Variants in KAZN observed in about 807,000 individuals in gnomAD.
KAZN encodes kazrin.
In KAZN, 40 loss-of-function variants were observed where a neutral mutation model predicts 87.4. The observed-to-expected ratio is 0.46, with a 90% confidence interval of 0.36 to 0.60. KAZN has a LOEUF of 0.60. Ranked by LOEUF, KAZN falls within the 20% of genes least tolerant of loss-of-function variation. The probability of loss-of-function intolerance (pLI) is 0.00; values close to 1 mark genes in which losing one functional copy is unlikely to be tolerated. For missense variants in KAZN, 898 were observed against 1,073.9 expected (o/e 0.84, Z 2.29); for synonymous variants, 466 against 458.3 (o/e 1.02, Z -0.22).
At chr1:14,134,626 A>C (rs1458884449) in intron 1 of KAZN, among the ~76,000 whole-genome samples, 1 of 152,192 alleles carries the variant, frequency 6.6e-6, no homozygotes, top group Non-Finnish European at 1.5e-5. Context: ...AACATCATAC[A>C]GCTACTAAAT....
intron 2 of KAZN, among the ~76,000 whole-genome samples, chr1:14,318,387 C>T (rs552859110): frequency 3.3e-5 from 5 of 152,112 alleles, no homozygotes; most frequent in South Asian, 4.1e-4. Flanking sequence ...TTTTCTTCTA[C>T]GTTGCATAGT....
At chr1:14,493,628 C>T (rs966406124) in intron 2 of KAZN, among the ~76,000 whole-genome samples, 1 of 152,164 alleles carries the variant, frequency 6.6e-6, no homozygotes, top group South Asian at 2.1e-4. Flanking sequence ...AAATGGTGCC[C>T]CTTTCATTAA....
intron 2 of KAZN, among the ~76,000 whole-genome samples, chr1:14,482,828 C>T (rs1023935405): frequency 2.0e-5 from 3 of 152,102 alleles, no homozygotes; most frequent in African/African-American, 4.8e-5. Context: ...TCCAAGTCAA[C>T]GGGAGCTAAT....
At position 14,447,613 on chromosome 1, in the gene KAZN, T is replaced by C. The variant is rs142459284; in HGVS notation, c.250-151370T>C. On this transcript the variant is annotated intron_variant, in intron 2 of 16. Transcript: ENST00000636203. Reference sequence around the variant, plus strand: ...CCATCCTCTGCTTCATTTTCCCCTGTTTTTCCTCACTTTTAATTTTTATCT... The same window carrying C: ...CCATCCTCTGCTTCATTTTCCCCTGCTTTTCCTCACTTTTAATTTTTATCT... 1.4e-3 allele frequency among the ~76,000 whole-genome samples: 215 copies of C among 152,210 alleles called. 1 individual carries two copies. Among genetic ancestry groups the C allele is most frequent in the African/African-American group, 4.5e-3 (187 of 41,538 alleles).
At chr1:14,278,353 C>A (rs1479184274) in intron 2 of KAZN, among the ~76,000 whole-genome samples, 1 of 144,676 alleles carries the variant, frequency 6.9e-6, no homozygotes, top group South Asian at 2.2e-4. Flanking sequence ...TGCAGTGGTA[C>A]AATCTCTGCT....
chr1:14,426,560 T>C (rs1665741604), intron 2 of KAZN, among the ~76,000 whole-genome samples: 1 of 152,164 alleles, frequency 6.6e-6, no homozygotes, highest in South Asian at 2.1e-4. Flanking sequence ...GCAGTTGCCC[T>C]ACTCCATGGA....
At chr1:13,925,821 A>G (rs962135191) in intron 1 of KAZN, among the ~76,000 whole-genome samples, 2 of 152,154 alleles carry the variant, frequency 1.3e-5, no homozygotes, top group Non-Finnish European at 2.9e-5. Flanking sequence ...GTGACCATGA[A>G]TTGGACTCAA....
At chr1:14,724,629 G>A (rs774839827) in intron 1 of KAZN, among the ~76,000 whole-genome samples, 3 of 152,192 alleles carry the variant, frequency 2.0e-5, no homozygotes, top group Non-Finnish European at 2.9e-5. Context: ...TTTATTGCCT[G>A]AGCTGTTATT....
At chr1:14,385,500 C>G (rs942239677) in intron 2 of KAZN, among the ~76,000 whole-genome samples, 2 of 152,070 alleles carry the variant, frequency 1.3e-5, no homozygotes, top group African/African-American at 4.8e-5. Context: ...CCCAGAGACT[C>G]TGGTATGTTG....
chr1:14,676,195 A>C (rs1421878306), intron 1 of KAZN, among the ~76,000 whole-genome samples: 1 of 151,626 alleles, frequency 6.6e-6, no homozygotes. Flanking sequence ...TTAGCTGTTG[A>C]CTCCCTACTG....
chr1:15,016,502 T>A (rs1573071769), intron 2 of KAZN, among the ~76,000 whole-genome samples: 1 of 151,940 alleles, frequency 6.6e-6, no homozygotes, highest in African/African-American at 2.4e-5. Context: ...GCTAGGCTGG[T>A]CTCAAACTCC....
intron 1 of KAZN, among the ~76,000 whole-genome samples, chr1:13,969,956 T>G (rs1356396815): frequency 6.6e-6 from 1 of 152,214 alleles, no homozygotes; most frequent in Non-Finnish European, 1.5e-5. Context: ...AAGCCAAAGC[T>G]GAGAGTAGTT....
intron 2 of KAZN, among the ~76,000 whole-genome samples, chr1:14,541,966 G>A (rs1424167350): frequency 1.3e-5 from 2 of 152,150 alleles, no homozygotes; most frequent in Non-Finnish European, 2.9e-5. Flanking sequence ...GAGGCCTGTT[G>A]AGGCGATTGT....
In KAZN at chr1:14,633,213, G is replaced by A. The variant is rs374318837; in HGVS notation, c.226+33990G>A. Among the ~76,000 whole-genome samples, 26 of 152,184 alleles carry A rather than the reference G, an allele frequency of 1.7e-4. No homozygotes were observed. In the East Asian group the frequency reaches 4.5e-3, roughly 26 times the overall value. Reference sequence around the variant, plus strand: ...ATTACAGGTGTGAGCCACCGCACCCGGCCAAAATGCACTTAATATTGTCAG... The same window carrying A: ...ATTACAGGTGTGAGCCACCGCACCCAGCCAAAATGCACTTAATATTGTCAG... On this transcript the variant is annotated intron_variant, in intron 1 of 14. Transcript: ENST00000376030.
At chr1:14,718,353 G>T (rs1442175210) in intron 1 of KAZN, among the ~76,000 whole-genome samples, 1 of 152,174 alleles carries the variant, frequency 6.6e-6, no homozygotes, top group Non-Finnish European at 1.5e-5. Context: ...ATTTTGTATG[G>T]CCCCTTAATC....
intron 3 of KAZN, among the ~76,000 whole-genome samples, chr1:15,035,998 G>C (rs1672218710): frequency 6.6e-6 from 1 of 152,090 alleles, no homozygotes; most frequent in African/African-American, 2.4e-5. Context: ...GTTCAGACTG[G>C]ATTTGAATCT....
At chr1:14,831,178 C>CATGCCCATTCCCTTGTTTTTGCTT (rs1647038571) in intron 1 of KAZN, among the ~76,000 whole-genome samples, 1 of 152,212 alleles carries the variant, frequency 6.6e-6, no homozygotes, top group Admixed American at 6.5e-5. Context: ...TGTTTTTGCT[C>CATGCCCATTCCCTTGTTTTTGCTT]ATGCCCATTC....
intron 1 of KAZN, among the ~76,000 whole-genome samples, chr1:14,063,394 C>A (rs1272394753): frequency 2.6e-5 from 4 of 152,106 alleles, no homozygotes; most frequent in Non-Finnish European, 5.9e-5. Flanking sequence ...TGTTAAGAGA[C>A]TTTCAGCCCA....
chr1:14,560,080 G>T (rs1674159791), intron 2 of KAZN, among the ~76,000 whole-genome samples: 1 of 152,160 alleles, frequency 6.6e-6, no homozygotes, highest in Non-Finnish European at 1.5e-5. Flanking sequence ...TTTCTTTAAT[G>T]AAGGTAAAGA....
Sources: allele counts gnomAD v4.1 joint callset (sites outside exome capture counted in the v4.1 genomes callset), GRCh38; gene constraint gnomAD v4.1.1; transcripts MANE v1.5; gene names NCBI Gene and HGNC (gene_info 2026-07-23, HGNC 2026-07-21).